ZC3H12B: variants seen among roughly 807,000 people sequenced by gnomAD.
ZC3H12B encodes the protein zinc finger CCCH-type containing 12B, also known as probable ribonuclease ZC3H12B.
In ZC3H12B, 7 loss-of-function variants were observed where a neutral mutation model predicts 43.9. That is an observed-to-expected ratio of 0.16 (90% CI 0.09 to 0.30). ZC3H12B has a LOEUF of 0.30. ZC3H12B is among the 10% of genes least tolerant of loss of function. ZC3H12B has a pLI of 1.00. For missense variants in ZC3H12B, 475 were observed against 670.2 expected, an observed-to-expected ratio of 0.71 and a Z score of 3.22; for synonymous variants, 222 against 241.7, an observed-to-expected ratio of 0.92 and a Z score of 0.76.
chrX:65,334,475 T>A, the ZC3H12B span, among the ~76,000 whole-genome samples: 1 of 112,273 alleles, frequency 8.9e-6, no homozygotes, highest in African/African-American at 3.2e-5. Flanking sequence ...ACATCTTGCA[T>A]GTAAAATTGT....
the ZC3H12B span, among the ~76,000 whole-genome samples, chrX:65,090,717 C>T: frequency 9.0e-6 from 1 of 111,287 alleles, no homozygotes; most frequent in East Asian, 2.8e-4. Flanking sequence ...TTTCCTTAGA[C>T]AATCTGAGTG....
At chrX:65,333,880 A>G in the ZC3H12B span, among the ~76,000 whole-genome samples, 6 of 112,058 alleles carry the variant, frequency 5.4e-5, no homozygotes, top group East Asian at 2.8e-4. Flanking sequence ...CACAACAATT[A>G]TAACTATTAA....
the ZC3H12B span, among the ~76,000 whole-genome samples, chrX:65,304,313 C>CA: frequency 1.8e-4 from 20 of 108,794 alleles, no homozygotes; most frequent in East Asian, 5.8e-4. Flanking sequence ...TAACCATATG[C>CA]AAAAAAAAAG....
chrX:65,145,702 T>C, the ZC3H12B span, among the ~76,000 whole-genome samples: 18 of 111,354 alleles, frequency 1.6e-4, no homozygotes, highest in Non-Finnish European at 3.4e-4. Flanking sequence ...TCTTAGCATT[T>C]GTTTGTCTGA....
At chrX:65,141,241 G>A in the ZC3H12B span, among the ~76,000 whole-genome samples, 1 of 110,140 alleles carries the variant, frequency 9.1e-6, no homozygotes, top group African/African-American at 3.3e-5. Flanking sequence ...GTTTTGGTAT[G>A]TTGCATGTCA....
the ZC3H12B span, among the ~76,000 whole-genome samples, chrX:65,264,786 C>T: frequency 9.0e-6 from 1 of 111,664 alleles, no homozygotes; most frequent in East Asian, 2.8e-4. Context: ...GTGTACTTTC[C>T]ACCATAGTAC....
chrX:65,323,865 G>T, the ZC3H12B span, among the ~76,000 whole-genome samples: 1 of 111,852 alleles, frequency 8.9e-6, no homozygotes, highest in African/African-American at 3.3e-5. Flanking sequence ...GTTGTTTCCT[G>T]ACTTTTTAAT....
chrX:65,446,315 G>T (rs2067375670), intron 3 of ZC3H12B, among the ~76,000 whole-genome samples: 1 of 111,933 alleles, frequency 8.9e-6, no homozygotes, highest in Non-Finnish European at 1.9e-5. Context: ...GGGGTTAAGA[G>T]AGAGGTGACA....
At chrX:65,209,511 A>C in the ZC3H12B span, among the ~76,000 whole-genome samples, 1 of 98,355 alleles carries the variant, frequency 1.0e-5, no homozygotes, top group East Asian at 3.3e-4. Context: ...CTTAATCCTG[A>C]GTTCTAGTTT....
At chrX:65,335,007 G>C in the ZC3H12B span, among the ~76,000 whole-genome samples, 11 of 111,623 alleles carry the variant, frequency 9.9e-5, no homozygotes, top group African/African-American at 3.6e-4. Flanking sequence ...CGAACGTGCA[G>C]AGAGTGGAGT....
chrX:65,328,159 A>G, the ZC3H12B span: 1 of 217,308 alleles, frequency 4.6e-6, no homozygotes, highest in Non-Finnish European at 9.5e-6. Flanking sequence ...CAATTTATAC[A>G]AATAATCTCA....
chrX:65,396,778 ATCTG>A (rs2066704023), intron 2 of ZC3H12B, among the ~76,000 whole-genome samples: 1 of 110,673 alleles, frequency 9.0e-6, no homozygotes, highest in Non-Finnish European at 1.9e-5. Flanking sequence ...TGTCTCATTG[ATCTG>A]TCTAATATTT....
At chrX:65,303,632 A>G in the ZC3H12B span, among the ~76,000 whole-genome samples, 1 of 112,312 alleles carries the variant, frequency 8.9e-6, no homozygotes, top group African/African-American at 3.2e-5. Context: ...TAAAATAAGA[A>G]TTCCATTTGA....
At chrX:65,159,377 G>A in the ZC3H12B span, among the ~76,000 whole-genome samples, 931 of 111,476 alleles carry the variant, frequency 8.4e-3, 11 homozygotes, top group Admixed American at 0.043. Context: ...CGTTTTCATG[G>A]TATTGATTCT....
At chrX:65,231,349 A>C in the ZC3H12B span, among the ~76,000 whole-genome samples, 1 of 111,371 alleles carries the variant, frequency 9.0e-6, no homozygotes, top group Non-Finnish European at 1.9e-5. Flanking sequence ...CTGGGCATGC[A>C]TTATCTTGAT....
chrX:65,348,242 C>A, the ZC3H12B span, among the ~76,000 whole-genome samples: 1 of 111,679 alleles, frequency 9.0e-6, no homozygotes, highest in East Asian at 2.8e-4. Context: ...AAAAAATAAT[C>A]AAAAATAAAA....
the ZC3H12B span, among the ~76,000 whole-genome samples, chrX:65,118,005 A>C: frequency 9.0e-6 from 1 of 111,686 alleles, no homozygotes; most frequent in Non-Finnish European, 1.9e-5. Flanking sequence ...TGATGCCTCC[A>C]GCTTTGTTCT....
intron 2 of ZC3H12B, among the ~76,000 whole-genome samples, chrX:65,387,690 T>A (rs2066548496): frequency 8.9e-6 from 1 of 112,171 alleles, no homozygotes; most frequent in African/African-American, 3.2e-5. Context: ...ATTATGATGT[T>A]AGCTGGTTAT....
At chrX:65,357,790 T>C in the ZC3H12B span, among the ~76,000 whole-genome samples, 2 of 111,496 alleles carry the variant, frequency 1.8e-5, no homozygotes. Context: ...TCAACTAATG[T>C]GCAAAATAAC....
Sources: allele counts gnomAD v4.1 joint callset (sites outside exome capture counted in the v4.1 genomes callset), GRCh38; gene constraint gnomAD v4.1.1; transcripts MANE v1.5; gene names NCBI Gene and HGNC (gene_info 2026-07-23, HGNC 2026-07-21).